The following DMD variants were observed in gnomAD, a reference collection of about 807,000 sequenced individuals.
DMD encodes the protein dystrophin.
DMD carries 63 observed loss-of-function variants against 330.1 expected under a neutral mutation model. The ratio of observed to expected loss-of-function variants is 0.19; its 90% CI spans 0.16 to 0.24. The LOEUF is 0.24. Among genes scored for constraint, DMD ranks in the 10% least tolerant of loss-of-function variants. DMD has a pLI of 1.00. For missense variants in DMD, 3,344 were observed against 2,684.1 expected, an observed-to-expected ratio of 1.25 and a Z score of -5.43; for synonymous variants, 1,223 against 959.8, an observed-to-expected ratio of 1.27 and a Z score of -5.07.
intron 47 of DMD, among the ~76,000 whole-genome samples, chrX:31,894,340 C>T (rs1324969770): frequency 1.8e-5 from 2 of 111,711 alleles, no homozygotes; most frequent in African/African-American, 6.5e-5. Context: ...AAATGGCTAA[C>T]AATTTTGTCC....
At chrX:32,191,539 G>T (rs2096975948) in intron 44 of DMD, among the ~76,000 whole-genome samples, 1 of 111,242 alleles carries the variant, frequency 9.0e-6, no homozygotes, top group African/African-American at 3.3e-5. Context: ...GCTATGCTAG[G>T]TCCCGGGAAC....
chrX:32,838,917 G>T (rs141404627), intron 4 of DMD, among the ~76,000 whole-genome samples: 1 of 111,846 alleles, frequency 8.9e-6, no homozygotes, highest in African/African-American at 3.3e-5. Context: ...CAGCAATCCT[G>T]TTACTGGGTA....
At chrX:33,261,627 AACACACACACAC>A (rs56984530) in intron 1 of DMD, among the ~76,000 whole-genome samples, 1 of 89,118 alleles carries the variant, frequency 1.1e-5, no homozygotes, top group Non-Finnish European at 2.2e-5. Flanking sequence ...ATACGGGAAG[AACACACACACAC>A]ACACACACAC....
rs1603624807 is a variant in DMD at position 32,093,248 on chromosome X, A to G, written c.6438+123668T>C. The stretch of plus-strand genomic sequence containing the variant: ...TGTTTCATACCACATTTTCTTTTCA[A>G]TTCATCCACTGATGGACGTTTAGGT... On this transcript the variant is annotated intron_variant, in intron 44 of 78. Coordinates refer to ENST00000357033, the MANE Select transcript of DMD (RefSeq NM_004006.3). Among the ~76,000 whole-genome samples, 6 of 112,277 alleles carry G rather than the reference A, an allele frequency of 5.3e-5. No individual in the cohort carries two copies. The South Asian group carries it at 1.8e-3, about 34-fold the overall frequency.
chrX:32,903,476 T>C (rs912994456), intron 2 of DMD, among the ~76,000 whole-genome samples: 4 of 110,609 alleles, frequency 3.6e-5, no homozygotes, highest in Non-Finnish European at 7.6e-5. Context: ...TAGGGAAACG[T>C]TAAAGCATTG....
chrX:32,698,739 T>A (rs750258943), intron 8 of DMD, among the ~76,000 whole-genome samples: 27 of 112,209 alleles, frequency 2.4e-4, no homozygotes, highest in African/African-American at 7.4e-4. Flanking sequence ...GATTAAAAAC[T>A]GTATTTGCCT....
intron 2 of DMD, among the ~76,000 whole-genome samples, chrX:32,856,719 T>C (rs780796424): frequency 9.0e-6 from 1 of 111,436 alleles, no homozygotes; most frequent in African/African-American, 3.3e-5. Flanking sequence ...AAAATCTAGT[T>C]AGAATGAGTA....
intron 7 of DMD, among the ~76,000 whole-genome samples, chrX:32,735,094 A>C (rs1254760448): frequency 9.1e-6 from 1 of 109,874 alleles, no homozygotes; most frequent in Non-Finnish European, 1.9e-5. Flanking sequence ...AATGTACAAA[A>C]ATCACAAGCA....
chrX:32,745,584 T>C (rs1364755275), intron 7 of DMD, among the ~76,000 whole-genome samples: 2 of 112,476 alleles, frequency 1.8e-5, no homozygotes, highest in Non-Finnish European at 3.8e-5. Flanking sequence ...TGTCAAACAC[T>C]CCTTCAATGC....
At chrX:31,839,532 T>C (rs1212825833) in intron 48 of DMD, among the ~76,000 whole-genome samples, 2 of 112,218 alleles carry the variant, frequency 1.8e-5, no homozygotes, top group Non-Finnish European at 3.8e-5. Context: ...TCTTCTGCTT[T>C]TGGATTTCCC....
chrX:33,051,646 A>ATTTTTCTTTTTTTTTTTTTTTTTTTTT (rs2094458453), intron 1 of DMD, among the ~76,000 whole-genome samples: 1 of 71,959 alleles, frequency 1.4e-5, no homozygotes, highest in African/African-American at 6.5e-5. Context: ...ATTACGCTCT[A>ATTTTTCTTTTTTTTTTTTTTTTTTTTT]TTTTTTTTTT....
intron 21 of DMD, among the ~76,000 whole-genome samples, chrX:32,484,296 A>G (rs1417153197): frequency 8.9e-6 from 1 of 112,256 alleles, no homozygotes; most frequent in African/African-American, 3.2e-5. Flanking sequence ...ATGTATTAAC[A>G]TCATCTTATT....
In DMD at chrX:31,424,473, A is replaced by G. The variant is rs746928515; in HGVS notation, c.9084+20008T>C. Among the ~76,000 whole-genome samples the G allele has an allele frequency of 5.3e-5, 6 of 112,152 alleles. No homozygotes were observed. In the Admixed American group the frequency reaches 5.7e-4, roughly 11 times the overall value. On this transcript the variant is annotated intron_variant, in intron 60 of 78. Transcript: ENST00000357033. ...CTCAGCTACATAGACTAGTCTTTGG[A>G]AATCAGGTTTTTGGTTTCTGGACAA... is the stretch of plus-strand genomic sequence containing the variant.
chrX:31,226,689 G>A (rs1172715290), intron 63 of DMD, among the ~76,000 whole-genome samples: 1 of 110,836 alleles, frequency 9.0e-6, no homozygotes, highest in Non-Finnish European at 1.9e-5. Flanking sequence ...ATTGTCTTGC[G>A]GCATCAATCC....
intron 44 of DMD, among the ~76,000 whole-genome samples, chrX:32,023,921 A>T (rs749125185): frequency 1.6e-4 from 18 of 110,874 alleles, no homozygotes; most frequent in Non-Finnish European, 3.0e-4. Context: ...AACAATAGAC[A>T]CTGGGGACTA....
At chrX:33,181,198 G>GT (rs1569557681) in intron 1 of DMD, among the ~76,000 whole-genome samples, 1 of 111,308 alleles carries the variant, frequency 9.0e-6, no homozygotes, top group African/African-American at 3.3e-5. Context: ...TAAACAATGA[G>GT]TTAGTTAGAT....
intron 48 of DMD, among the ~76,000 whole-genome samples, chrX:31,842,206 A>G (rs185489674): frequency 8.9e-6 from 1 of 111,918 alleles, no homozygotes; most frequent in East Asian, 2.8e-4. Flanking sequence ...GAAAATTGCA[A>G]GAGAACTAGA....
chrX:31,877,982 T>C (rs1273741478), intron 47 of DMD, among the ~76,000 whole-genome samples: 1 of 111,844 alleles, frequency 8.9e-6, no homozygotes, highest in Non-Finnish European at 1.9e-5. Flanking sequence ...AACTCCTTTT[T>C]ATCTGATCAT....
chrX:32,082,145 A>G (rs1249119881), intron 44 of DMD, among the ~76,000 whole-genome samples: 1 of 111,385 alleles, frequency 9.0e-6, no homozygotes, highest in Non-Finnish European at 1.9e-5. Flanking sequence ...GGCCATCTCC[A>G]CTGAAGTCGT....
Sources: gnomAD v4.1 joint callset for allele counts (sites outside exome capture counted in the v4.1 genomes callset) on GRCh38, gnomAD v4.1.1 for gene constraint, MANE v1.5 for transcripts, NCBI Gene and HGNC (gene_info 2026-07-23, HGNC 2026-07-21) for gene names.